The following CATSPER2 variants were observed in gnomAD, a reference collection of about 807,000 sequenced individuals.
CATSPER2 encodes the protein cation channel sperm associated 2.
Under a neutral mutation model 68.8 loss-of-function variants are expected in CATSPER2, and 56 were observed. That is an observed-to-expected ratio of 0.81 (90% CI 0.66 to 1.02). The LOEUF is 1.02. Ranked by LOEUF, CATSPER2 falls within the 50% of genes least tolerant of loss-of-function variation. The probability of loss-of-function intolerance (pLI) is 0.00; values close to 1 mark genes in which losing one functional copy is unlikely to be tolerated. For missense variants in CATSPER2, 582 were observed against 642.0 expected (o/e 0.91, Z 1.01); for synonymous variants, 198 against 229.9 (o/e 0.86, Z 1.26).
intron 12 of CATSPER2, chr15:43,631,301 G>C (rs1324143881): frequency 5.5e-6 from 1 of 183,082 alleles, no homozygotes; most frequent in African/African-American, 2.4e-5. Flanking sequence ...CGTGATCTCC[G>C]CTCACTGCAA....
At chr15:43,648,860 C>A, upstream of CATSPER2, 1 of 1,521,972 alleles carries the variant, frequency 6.6e-7, no homozygotes, top group South Asian at 1.2e-5. Flanking sequence ...CCCAGCCACT[C>A]GCCGCCTAGG....
chr15:43,636,301 A>G (rs2085962976), intron 7 of CATSPER2, 82 bp from the exon 8 acceptor site: 7 of 1,544,394 alleles, frequency 4.5e-6, no homozygotes, highest in Non-Finnish European at 6.2e-6. Context: ...TTAAAGAAAC[A>G]TAAAGCATTT....
intron 10 of CATSPER2, chr15:43,633,974 A>T (rs1389411493): frequency 6.6e-6 from 1 of 151,618 alleles, no homozygotes; most frequent in Non-Finnish European, 1.5e-5. Flanking sequence ...AAAAAGAAAA[A>T]AAAACCTACA....
Position 43,632,198 on chromosome 15 carries a change from C to T in CATSPER2, c.1561+1G>A, listed in dbSNP as rs1244961796. 1.2e-6 allele frequency: 2 copies of T among 1,613,338 alleles called. No homozygotes were observed. Among genetic ancestry groups the T allele is most frequent in the African/African-American group, 2.7e-5 (2 of 74,948 alleles). On this transcript the variant is annotated splice_donor_variant, in intron 12 of 12. Coordinates refer to ENST00000396879, the MANE Select transcript of CATSPER2 (RefSeq NM_172095.4). LOFTEE classifies it high-confidence loss of function. The stretch of plus-strand genomic sequence containing the variant: ...TCCCCATGACTGCCCTAACTCCATA[C>T]CTGCAAACTCTTGTAACTTCTTACG...
At chr15:43,644,804 G>C (rs1243094704) in intron 4 of CATSPER2, among the ~76,000 whole-genome samples, 1 of 151,928 alleles carries the variant, frequency 6.6e-6, no homozygotes, top group African/African-American at 2.4e-5. Context: ...AAAGGCTGGG[G>C]ACCACTGATC....
intron 7 of CATSPER2, among the ~76,000 whole-genome samples, chr15:43,638,286 CTTT>C (rs71460446): frequency 1.2e-4 from 10 of 81,862 alleles, no homozygotes; most frequent in African/African-American, 4.5e-4. Flanking sequence ...TTCTTTCTTT[CTTT>C]TTTTTTTTTT....
intron 7 of CATSPER2, among the ~76,000 whole-genome samples, chr15:43,637,974 A>G (rs541798637): frequency 6.8e-6 from 1 of 147,826 alleles, no homozygotes; most frequent in African/African-American, 2.5e-5. Context: ...TGAGATGGAG[A>G]TGGAGTTTCA....
intron 4 of CATSPER2, 130 bp downstream of exon 4, chr15:43,646,920 T>C: frequency 1.3e-6 from 1 of 788,090 alleles, no homozygotes; most frequent in Non-Finnish European, 2.3e-6. Flanking sequence ...TTTCACCATG[T>C]TGCCCAGGCT....
intron 4 of CATSPER2, among the ~76,000 whole-genome samples, chr15:43,645,772 A>G (rs1171538136): frequency 6.6e-6 from 1 of 151,910 alleles, no homozygotes; most frequent in African/African-American, 2.4e-5. Context: ...CAGCCTAAGC[A>G]ACAAAGTGAG....
Position 43,638,926 on chromosome 15 carries a change from G to A in CATSPER2, c.820C>T (p.Leu274=), listed in dbSNP as rs1244286725. 4 of 1,612,928 alleles carry A rather than the reference G, an allele frequency of 2.5e-6. No homozygotes were observed. The highest frequency in any genetic ancestry group is 2.5e-6 in the Non-Finnish European group (3 of 1,179,464). The change falls in exon 7 of 13, where the codon CTG becomes TTG. Residue 274 remains leucine (L), a synonymous_variant. Transcript: ENST00000396879. ...TACGAGAAGAACACATGGTACTCCAGGTCCTGACGAGGTGAACGGGTGTAC... is the reference window on the plus strand; with the variant it reads ...TACGAGAAGAACACATGGTACTCCAAGTCCTGACGAGGTGAACGGGTGTAC... ...SEYTRSPRQD[L]EYHVFFSDLP... is the part of the protein sequence containing the mutation.
chr15:43,636,723 T>C (rs2085971369), intron 7 of CATSPER2, among the ~76,000 whole-genome samples: 1 of 151,826 alleles, frequency 6.6e-6, no homozygotes, highest in Non-Finnish European at 1.5e-5. Flanking sequence ...AATCTATGAC[T>C]AACTCTCACT....
chr15:43,635,124 T>G (rs2085940311), intron 10 of CATSPER2: 2 of 582,444 alleles, frequency 3.4e-6, no homozygotes, highest in Non-Finnish European at 6.3e-6. Context: ...TAATCTAGGA[T>G]GATCTCATCT....
chr15:43,648,582 T>A (rs1390381022), intron 1 of CATSPER2, 47 bp downstream of exon 1: 31 of 1,369,676 alleles, frequency 2.3e-5, no homozygotes, highest in Middle Eastern at 2.7e-4. Flanking sequence ...CAACACTCCT[T>A]CGGGGGCTAG....
intron 1 of CATSPER2, among the ~76,000 whole-genome samples, chr15:43,648,280 C>T (rs563031551): frequency 6.6e-6 from 1 of 151,910 alleles, no homozygotes; most frequent in South Asian, 2.1e-4. Flanking sequence ...ATTGCACAGT[C>T]GACCAAGCGG....
intron 2 of CATSPER2, 81 bp downstream of exon 2, chr15:43,647,836 C>A: frequency 6.7e-7 from 1 of 1,501,224 alleles, no homozygotes; most frequent in South Asian, 1.1e-5. Context: ...AACTAAACCT[C>A]CCCAGAATTT....
At position 43,648,810 on chromosome 15, in the gene CATSPER2, G is replaced by T; in HGVS notation, c.-184C>A. 1 of 1,531,148 alleles carries T rather than the reference G, an allele frequency of 6.5e-7. No individual in the cohort carries two copies. Among genetic ancestry groups the T allele is most frequent in the Non-Finnish European group, 8.8e-7 (1 of 1,142,726 alleles). 94.8% of individuals were successfully genotyped at this position (1,531,148 alleles called of 1,614,324 possible). A position where few individuals can be genotyped will look rare whatever the true frequency, so the allele number is the denominator to read the frequency against. On this transcript the variant is annotated 5_prime_UTR_variant, in exon 1 of 13. Coordinates refer to ENST00000396879, the MANE Select transcript of CATSPER2 (RefSeq NM_172095.4). The stretch of plus-strand genomic sequence containing the variant: ...CGGCTCACCCCGGGACCCGGCCCTA[G>T]CCCCTACCCACAGCCCAGGACCATG...
At chr15:43,633,667 G>T (rs1335698855) in intron 10 of CATSPER2, 2 of 152,350 alleles carry the variant, frequency 1.3e-5, no homozygotes, top group Admixed American at 1.3e-4. Flanking sequence ...TCTGCAGCTG[G>T]GCACGATGGC....
Position 43,630,380 on chromosome 15 carries a change from A to G in CATSPER2, c.*321T>C. ...GAGTATTTATAAGACACTTATACAGAGTCTCACTCTGTTGCCCAGGCTGGA... is the reference window on the plus strand; with the variant it reads ...GAGTATTTATAAGACACTTATACAGGGTCTCACTCTGTTGCCCAGGCTGGA... On this transcript the variant is annotated 3_prime_UTR_variant, in exon 13 of 13. Transcript: ENST00000396879. 2.5e-6 allele frequency: 1 copy of G among 395,522 alleles called. No homozygotes were observed. 24.5% of individuals were successfully genotyped at this position (395,522 alleles called of 1,614,324 possible). A position where few individuals can be genotyped will look rare whatever the true frequency, so the allele number is the denominator to read the frequency against.
Position 43,639,973 on chromosome 15 carries a change from A to C in CATSPER2, c.562-175T>G, listed in dbSNP as rs2442944. 91,792 of 1,385,866 alleles carry C rather than the reference A, an allele frequency of 0.066. 5,923 individuals carry two copies. Among genetic ancestry groups the C allele is most frequent in the African/African-American group, 0.19 (12,728 of 66,218 alleles). 85.8% of individuals were successfully genotyped at this position (1,385,866 alleles called of 1,614,324 possible). On this transcript the variant is annotated intron_variant, in intron 5 of 12. Coordinates refer to ENST00000396879, the MANE Select transcript of CATSPER2 (RefSeq NM_172095.4). ...ATTAAGTTGCTTAAACACTATACTTAAACTTGTTCAGATATAAAAAGGGGG... is the reference window on the plus strand; with the variant it reads ...ATTAAGTTGCTTAAACACTATACTTCAACTTGTTCAGATATAAAAAGGGGG...
Sources: allele counts gnomAD v4.1 joint callset (sites outside exome capture counted in the v4.1 genomes callset), GRCh38; gene constraint gnomAD v4.1.1; transcripts MANE v1.5; gene names NCBI Gene and HGNC (gene_info 2026-07-23, HGNC 2026-07-21).